Variants in ZSWIM6 observed in about 807,000 individuals in gnomAD.
ZSWIM6 encodes zinc finger SWIM-type containing 6.
ZSWIM6 carries 9 observed loss-of-function variants against 113.2 expected under a neutral mutation model. The observed-to-expected ratio is 0.08, with a 90% CI of 0.05 to 0.14. ZSWIM6 has a LOEUF of 0.14. Among genes scored for constraint, ZSWIM6 ranks in the 10% least tolerant of loss-of-function variants. ZSWIM6 has a pLI of 1.00. For missense variants in ZSWIM6, 1,162 were observed against 1,552.2 expected, an observed-to-expected ratio of 0.75 and a Z score of 4.22; for synonymous variants, 611 against 606.5, an observed-to-expected ratio of 1.01 and a Z score of -0.11.
intron 2 of ZSWIM6, among the ~76,000 whole-genome samples, chr5:61,484,102 G>C (rs1429335719): frequency 6.6e-6 from 1 of 151,956 alleles, no homozygotes; most frequent in African/African-American, 2.4e-5. Context: ...GTTCAAGCAG[G>C]CCACAGAAGA....
chr5:61,397,860 G>A (rs973444333), intron 1 of ZSWIM6, among the ~76,000 whole-genome samples: 4 of 152,252 alleles, frequency 2.6e-5, no homozygotes, highest in Admixed American at 1.3e-4. Flanking sequence ...GAGTTTGGTC[G>A]CAGTGCCTAG....
At chr5:61,340,712 G>A (rs1181773217) in intron 1 of ZSWIM6, among the ~76,000 whole-genome samples, 2 of 152,192 alleles carry the variant, frequency 1.3e-5, no homozygotes, top group African/African-American at 4.8e-5. Flanking sequence ...TGTTTGGGCC[G>A]TGTCTTAGTT....
intron 1 of ZSWIM6, among the ~76,000 whole-genome samples, chr5:61,356,727 AT>A (rs1744918372): frequency 2.8e-5 from 2 of 70,374 alleles, no homozygotes; most frequent in Non-Finnish European, 5.8e-5. Flanking sequence ...ATAACATAAT[AT>A]ATAATATATA....
chr5:61,343,675 T>A (rs1414913346), intron 1 of ZSWIM6, among the ~76,000 whole-genome samples: 1 of 152,240 alleles, frequency 6.6e-6, no homozygotes, highest in East Asian at 1.9e-4. Flanking sequence ...CTCCTGCTGC[T>A]ACCTTTTCTA....
At chr5:61,477,063 A>G (rs1331217452) in intron 2 of ZSWIM6, among the ~76,000 whole-genome samples, 1 of 152,204 alleles carries the variant, frequency 6.6e-6, no homozygotes, top group African/African-American at 2.4e-5. Flanking sequence ...AAAGGGATGG[A>G]TAATACTATA....
At chr5:61,380,827 G>T (rs1221011859) in intron 1 of ZSWIM6, among the ~76,000 whole-genome samples, 1 of 152,168 alleles carries the variant, frequency 6.6e-6, no homozygotes, top group East Asian at 1.9e-4. Context: ...TGGGCCGGGC[G>T]AGGTGGCTCA....
Position 61,544,064 on chromosome 5 carries a change from C to T in ZSWIM6, c.3395C>T (p.Ser1132Leu). 1 of 1,552,078 alleles carries T rather than the reference C, an allele frequency of 6.4e-7. No homozygotes were observed. Among genetic ancestry groups the T allele is most frequent in the South Asian group, 1.2e-5 (1 of 84,060 alleles). The change falls in exon 14 of 14, where the codon TCA (serine) becomes TTA (leucine). Residue 1132 changes from serine (S) to leucine (L), a missense_variant. Ser to Leu is a moderately radical substitution (Grantham distance 145). Around this residue, in one of 4 missense-constraint regions of ZSWIM6, gnomAD observed 113 missense variants for 213.8 expected, o/e 0.53. Transcript: ENST00000252744. ...HGRRNSGKLM[S>L]LDKAPLRQLL... ...AGGAGGAACTCTGGTAAGCTCATGT[C>T]ACTGGACAAAGCCCCCTTGAGGCAA... is the stretch of plus-strand genomic sequence containing the variant.
intron 12 of ZSWIM6, among the ~76,000 whole-genome samples, chr5:61,540,631 AGTGATG>A (rs1749703005): frequency 6.6e-6 from 1 of 152,166 alleles, no homozygotes; most frequent in South Asian, 2.1e-4. Context: ...TAAGCTATAT[AGTGATG>A]GTTCAGAAGT....
chr5:61,428,936 G>T (rs1040783557), intron 1 of ZSWIM6, among the ~76,000 whole-genome samples: 2 of 152,130 alleles, frequency 1.3e-5, no homozygotes, highest in African/African-American at 4.8e-5. Flanking sequence ...TATTGATAAG[G>T]CGGGGAAGAG....
chr5:61,391,360 A>G, intron 1 of ZSWIM6: 1 of 828,364 alleles, frequency 1.2e-6, no homozygotes, highest in Non-Finnish European at 2.2e-6. Context: ...GTGCAGAGGA[A>G]GCAGGCACAT....
In ZSWIM6 at chr5:61,483,837, A is replaced by G. The variant is rs374992507; in HGVS notation, c.1034-6949A>G. On this transcript the variant is annotated intron_variant, in intron 2 of 13. Coordinates refer to ENST00000252744, the MANE Select transcript of ZSWIM6 (RefSeq NM_020928.2). Reference sequence around the variant, plus strand: ...GCTTGCAGTGAGCCGAGATCGCACCACTGCACTCCAGCCTGGGCAACAGAG... The same window carrying G: ...GCTTGCAGTGAGCCGAGATCGCACCGCTGCACTCCAGCCTGGGCAACAGAG... 5.5e-4 allele frequency among the ~76,000 whole-genome samples: 84 copies of G among 151,780 alleles called. 2 individuals carry two copies. In the East Asian group the frequency reaches 0.014, roughly 25 times the overall value.
intron 9 of ZSWIM6, among the ~76,000 whole-genome samples, chr5:61,533,097 C>A (rs780661492): frequency 1.3e-5 from 2 of 152,194 alleles, no homozygotes; most frequent in Admixed American, 6.5e-5. Flanking sequence ...AGTCTTGATT[C>A]GTCCATCCCT....
intron 1 of ZSWIM6, among the ~76,000 whole-genome samples, chr5:61,382,840 GAAA>G (rs1745513877): frequency 6.6e-6 from 1 of 151,922 alleles, no homozygotes; most frequent in African/African-American, 2.4e-5. Context: ...AAGAAAGAAA[GAAA>G]GAATTTGGTG....
intron 4 of ZSWIM6, among the ~76,000 whole-genome samples, chr5:61,512,993 T>C (rs1748830154): frequency 6.6e-6 from 1 of 152,004 alleles, no homozygotes; most frequent in African/African-American, 2.4e-5. Flanking sequence ...GTCCATAGTT[T>C]ACATTAGAGG....
At chr5:61,363,377 T>G (rs989227827) in intron 1 of ZSWIM6, among the ~76,000 whole-genome samples, 1 of 152,230 alleles carries the variant, frequency 6.6e-6, no homozygotes, top group African/African-American at 2.4e-5. Context: ...TAGTGACATA[T>G]AGAACCAGTT....
intron 4 of ZSWIM6, among the ~76,000 whole-genome samples, chr5:61,511,871 G>T (rs1012241700): frequency 2.6e-5 from 4 of 152,098 alleles, no homozygotes; most frequent in African/African-American, 9.7e-5. Flanking sequence ...TGATTGTAAA[G>T]CCCTAAATAT....
chr5:61,340,011 A>C (rs946903365), intron 1 of ZSWIM6, among the ~76,000 whole-genome samples: 1 of 152,200 alleles, frequency 6.6e-6, no homozygotes, highest in African/African-American at 2.4e-5. Context: ...TCCTACCCAG[A>C]TCTCAAAAGT....
At chr5:61,446,841 C>T (rs1049226646) in intron 1 of ZSWIM6, among the ~76,000 whole-genome samples, 4 of 152,078 alleles carry the variant, frequency 2.6e-5, no homozygotes, top group Admixed American at 6.6e-5. Context: ...TAAACATGTA[C>T]ACGCACACAC....
At chr5:61,520,725 C>T (rs888021488) in intron 4 of ZSWIM6, among the ~76,000 whole-genome samples, 8 of 152,032 alleles carry the variant, frequency 5.3e-5, no homozygotes, top group Non-Finnish European at 1.0e-4. Context: ...ATAAGGAGAA[C>T]AGGAAGTTAT....
Sources: allele counts gnomAD v4.1 joint callset (sites outside exome capture counted in the v4.1 genomes callset), GRCh38; gene constraint gnomAD v4.1.1; regional missense constraint gnomAD v4.1.1; transcripts MANE v1.5; gene names NCBI Gene and HGNC (gene_info 2026-07-23, HGNC 2026-07-21).